The following GLIS3 variants were observed in gnomAD, a reference collection of about 807,000 sequenced individuals.
GLIS3 encodes the protein zinc finger protein GLIS3.
Under a neutral mutation model 78.6 loss-of-function variants are expected in GLIS3, and 53 were observed. That is an observed-to-expected ratio of 0.67 (90% confidence interval 0.54 to 0.85). GLIS3 has a LOEUF of 0.85. Ranked by LOEUF, GLIS3 falls within the 40% of genes least tolerant of loss-of-function variation. The pLI, the probability that GLIS3 is intolerant of heterozygous loss-of-function variation, is 0.00. For missense variants in GLIS3, 1,703 were observed against 1,231.1 expected, an observed-to-expected ratio of 1.38 and a Z score of -5.74; for synonymous variants, 684 against 509.9, an observed-to-expected ratio of 1.34 and a Z score of -4.60.
intron 4 of GLIS3, among the ~76,000 whole-genome samples, chr9:4,048,807 C>A (rs1004803399): frequency 1.3e-5 from 2 of 152,186 alleles, no homozygotes; most frequent in Non-Finnish European, 2.9e-5. Context: ...AGGATTCCTG[C>A]ACAAATATCT....
intron 4 of GLIS3, among the ~76,000 whole-genome samples, chr9:4,002,636 C>T (rs1297281148): frequency 1.3e-5 from 2 of 152,158 alleles, no homozygotes; most frequent in Non-Finnish European, 2.9e-5. Context: ...TCATTCCCCA[C>T]TCATTCTGTC....
At chr9:4,484,020 G>A in the GLIS3 span, among the ~76,000 whole-genome samples, 31 of 152,266 alleles carry the variant, frequency 2.0e-4, no homozygotes, top group African/African-American at 6.3e-4. Context: ...TAAGTGCTTT[G>A]TGTTTGCTTT....
chr9:4,342,274 G>T (rs1395934742), intron 2 of GLIS3, among the ~76,000 whole-genome samples: 2 of 152,156 alleles, frequency 1.3e-5, no homozygotes. Flanking sequence ...TGTGTATGAT[G>T]AAAGGAAGGG....
At chr9:4,182,233 C>T (rs923785123) in intron 2 of GLIS3, among the ~76,000 whole-genome samples, 1 of 152,156 alleles carries the variant, frequency 6.6e-6, no homozygotes, top group Admixed American at 6.5e-5. Flanking sequence ...AATAGTTTAA[C>T]TGAGCAGTAG....
intron 7 of GLIS3, among the ~76,000 whole-genome samples, chr9:3,894,851 G>C (rs374083442): frequency 1.3e-5 from 2 of 151,840 alleles, no homozygotes; most frequent in Non-Finnish European, 2.9e-5. Context: ...CCTTCTTCTC[G>C]TAGATTTCTC....
chr9:4,193,647 T>G (rs189798422), intron 2 of GLIS3, among the ~76,000 whole-genome samples: 1 of 152,206 alleles, frequency 6.6e-6, no homozygotes, highest in Admixed American at 6.5e-5. Context: ...ATGTCAGAGA[T>G]AATTTCAAGT....
intron 4 of GLIS3, among the ~76,000 whole-genome samples, chr9:4,023,208 G>A (rs1235413615): frequency 6.6e-6 from 1 of 152,102 alleles, no homozygotes; most frequent in African/African-American, 2.4e-5. Context: ...TGCTACACAT[G>A]GTTTGAGCTA....
chr9:4,153,939 T>C (rs1564125578), intron 2 of GLIS3, among the ~76,000 whole-genome samples: 1 of 152,174 alleles, frequency 6.6e-6, no homozygotes, highest in African/African-American at 2.4e-5. Flanking sequence ...TGCAGTCACA[T>C]GTCACCTAGG....
At chr9:3,871,462 G>A (rs1285316403) in intron 8 of GLIS3, among the ~76,000 whole-genome samples, 1 of 152,172 alleles carries the variant, frequency 6.6e-6, no homozygotes, top group South Asian at 2.1e-4. Context: ...TGCCCCTGCA[G>A]CAAACTTCTG....
chr9:4,420,517 T>A, the GLIS3 span, among the ~76,000 whole-genome samples: 1 of 152,140 alleles, frequency 6.6e-6, no homozygotes, highest in Non-Finnish European at 1.5e-5. Flanking sequence ...AGCAAGCCAA[T>A]AAACTCGGGG....
the GLIS3 span, among the ~76,000 whole-genome samples, chr9:4,376,263 T>TA: frequency 2.0e-5 from 3 of 152,106 alleles, no homozygotes; most frequent in African/African-American, 7.2e-5. Context: ...GGGGAAAACT[T>TA]ACGAAAGAAA....
chr9:3,999,005 C>T (rs1380603321), intron 4 of GLIS3, among the ~76,000 whole-genome samples: 1 of 151,734 alleles, frequency 6.6e-6, no homozygotes, highest in African/African-American at 2.4e-5. Flanking sequence ...AGTTACTTCC[C>T]TTTCTTTCTA....
chr9:4,052,832 T>C (rs1039599423), intron 4 of GLIS3, among the ~76,000 whole-genome samples: 1 of 152,244 alleles, frequency 6.6e-6, no homozygotes, highest in Non-Finnish European at 1.5e-5. Flanking sequence ...ATTTTAGGTA[T>C]ATATACCTAG....
At chr9:3,875,248 G>A (rs572430195) in intron 8 of GLIS3, among the ~76,000 whole-genome samples, 53 of 152,346 alleles carry the variant, frequency 3.5e-4, no homozygotes, top group African/African-American at 1.1e-3. Context: ...ATTAGGTGAT[G>A]TAGTGTGCTG....
the GLIS3 span, among the ~76,000 whole-genome samples, chr9:4,441,575 G>C: frequency 6.6e-6 from 1 of 152,042 alleles, no homozygotes; most frequent in Non-Finnish European, 1.5e-5. Flanking sequence ...TTGTGTCTAA[G>C]TTCATCAGGG....
At chr9:3,926,838 T>C (rs1825291398) in intron 6 of GLIS3, among the ~76,000 whole-genome samples, 1 of 151,574 alleles carries the variant, frequency 6.6e-6, no homozygotes, top group Non-Finnish European at 1.5e-5. Context: ...TTGGCCAGGC[T>C]GGTCTTGAGC....
the GLIS3 span, among the ~76,000 whole-genome samples, chr9:4,465,406 A>G: frequency 2.0e-5 from 3 of 152,262 alleles, no homozygotes; most frequent in East Asian, 5.8e-4. Flanking sequence ...AAAATTAGCC[A>G]TGCATGGTGA....
intron 4 of GLIS3, among the ~76,000 whole-genome samples, chr9:4,073,585 G>C (rs1827797405): frequency 6.6e-6 from 1 of 152,078 alleles, no homozygotes; most frequent in Non-Finnish European, 1.5e-5. Context: ...AGAAACTCAG[G>C]ATTGCCCCTG....
chr9:4,003,418 C>A (rs991189281), intron 4 of GLIS3, among the ~76,000 whole-genome samples: 3 of 152,076 alleles, frequency 2.0e-5, no homozygotes, highest in Non-Finnish European at 4.4e-5. Flanking sequence ...GAATTTAAAC[C>A]TGAACTTGAG....
Sources: allele counts gnomAD v4.1 joint callset (sites outside exome capture counted in the v4.1 genomes callset), GRCh38; gene constraint gnomAD v4.1.1; transcripts MANE v1.5; gene names NCBI Gene and HGNC (gene_info 2026-07-23, HGNC 2026-07-21).